ZNF385D: variants seen among roughly 807,000 people sequenced by gnomAD.
ZNF385D encodes the protein zinc finger protein 659.
Under a neutral mutation model 35.8 loss-of-function variants are expected in ZNF385D, and 15 were observed. The ratio of observed to expected loss-of-function variants is 0.42; its 90% CI spans 0.28 to 0.64. ZNF385D has a LOEUF of 0.64. Among genes scored for constraint, ZNF385D ranks in the 30% least tolerant of loss-of-function variants. The pLI, the probability that ZNF385D is intolerant of heterozygous loss-of-function variation, is 0.23. For missense variants in ZNF385D, 474 were observed against 494.6 expected (o/e 0.96, Z 0.39); for synonymous variants, 212 against 186.8 (o/e 1.13, Z -1.10).
At chr3:21,668,028 G>A (rs562740847) in intron 1 of ZNF385D, among the ~76,000 whole-genome samples, 6 of 152,180 alleles carry the variant, frequency 3.9e-5, no homozygotes, top group African/African-American at 1.4e-4. Context: ...TAAGATTGTA[G>A]GAAAGCAGAG....
intron 3 of ZNF385D, among the ~76,000 whole-genome samples, chr3:21,864,591 G>A (rs1195501753): frequency 6.6e-6 from 1 of 152,030 alleles, no homozygotes; most frequent in Non-Finnish European, 1.5e-5. Context: ...TTGACTAAAT[G>A]ACAGTGTTTT....
intron 2 of ZNF385D, chr3:21,579,607 A>G (rs2063593070): frequency 6.6e-6 from 1 of 152,180 alleles, no homozygotes; most frequent in Non-Finnish European, 1.5e-5. Flanking sequence ...TTATTTTTTA[A>G]TATTTTAATG....
At chr3:22,226,245 C>G (rs1237631973) in intron 2 of ZNF385D, among the ~76,000 whole-genome samples, 1 of 152,088 alleles carries the variant, frequency 6.6e-6, no homozygotes, top group Non-Finnish European at 1.5e-5. Context: ...TTTACCACAG[C>G]TGGACACAAG....
chr3:21,663,502 G>T (rs1167266203), intron 2 of ZNF385D, among the ~76,000 whole-genome samples: 1 of 152,030 alleles, frequency 6.6e-6, no homozygotes, highest in Non-Finnish European at 1.5e-5. Flanking sequence ...GCTGTGCCAG[G>T]AAACCACTTA....
chr3:21,793,491 A>T (rs1316614898), intron 3 of ZNF385D, among the ~76,000 whole-genome samples: 1 of 152,242 alleles, frequency 6.6e-6, no homozygotes, highest in South Asian at 2.1e-4. Flanking sequence ...TAGAATTTGC[A>T]TTTTAACAAG....
chr3:21,643,443 A>C (rs1319398411), intron 2 of ZNF385D, among the ~76,000 whole-genome samples: 2 of 152,166 alleles, frequency 1.3e-5, no homozygotes, highest in African/African-American at 4.8e-5. Flanking sequence ...AACACCAGGA[A>C]GGACTGGTGA....
intron 3 of ZNF385D, among the ~76,000 whole-genome samples, chr3:21,938,514 T>C (rs1196121978): frequency 9.2e-5 from 14 of 152,218 alleles, no homozygotes; most frequent in Non-Finnish European, 1.2e-4. Context: ...CCACATATAC[T>C]GCCCAGATGA....
chr3:21,907,982 G>A (rs114658304), intron 3 of ZNF385D, among the ~76,000 whole-genome samples: 2 of 152,196 alleles, frequency 1.3e-5, no homozygotes, highest in Non-Finnish European at 2.9e-5. Flanking sequence ...ACAGGGGTTT[G>A]TGAAAGGCTG....
intron 2 of ZNF385D, among the ~76,000 whole-genome samples, chr3:21,634,849 T>C (rs1343733709): frequency 3.3e-5 from 5 of 152,078 alleles, no homozygotes; most frequent in Non-Finnish European, 7.4e-5. Flanking sequence ...TATTTTTCTT[T>C]TAAATTTTAT....
At chr3:22,015,847 G>A (rs1696855231) in intron 3 of ZNF385D, among the ~76,000 whole-genome samples, 1 of 152,076 alleles carries the variant, frequency 6.6e-6, no homozygotes. Flanking sequence ...AAGTTCTAGA[G>A]GAGCAGCCCA....
Position 22,259,590 on chromosome 3 carries a change from C to T in ZNF385D, c.107-90555G>A, listed in dbSNP as rs150743089. Among the ~76,000 whole-genome samples, 1,293 of 151,870 alleles carry T rather than the reference C, an allele frequency of 8.5e-3. 40 individuals carry two copies. Among genetic ancestry groups the T allele is most frequent in the Admixed American group, 0.056 (852 of 15,204 alleles). ...TGTGTACCTCCCATGTTGTCACTAG[C>T]ATATCAAAAAAATGTTTAATTCAAG... On this transcript the variant is annotated intron_variant, in intron 2 of 5. Transcript: ENST00000494108.
chr3:21,763,256 T>C (rs1429055066), intron 3 of ZNF385D, among the ~76,000 whole-genome samples: 1 of 152,128 alleles, frequency 6.6e-6, no homozygotes, highest in Non-Finnish European at 1.5e-5. Context: ...TGAGTAACAG[T>C]GATGGCTCCG....
At chr3:22,202,361 G>A (rs1696855264) in intron 2 of ZNF385D, among the ~76,000 whole-genome samples, 1 of 152,038 alleles carries the variant, frequency 6.6e-6, no homozygotes, top group Non-Finnish European at 1.5e-5. Flanking sequence ...GAAGCAAATG[G>A]AAGGACTTTT....
chr3:21,767,985 G>C (rs2070905636), intron 3 of ZNF385D, among the ~76,000 whole-genome samples: 1 of 152,000 alleles, frequency 6.6e-6, no homozygotes, highest in Non-Finnish European at 1.5e-5. Context: ...GTCCTAATTT[G>C]TTGTAATTAT....
At chr3:21,498,841 G>C (rs1706130542) in intron 4 of ZNF385D, among the ~76,000 whole-genome samples, 1 of 151,224 alleles carries the variant, frequency 6.6e-6, no homozygotes, top group Admixed American at 6.6e-5. Flanking sequence ...TACTTGGGAG[G>C]CTGAGGCAGG....
chr3:22,228,970 C>T (rs893149927), intron 2 of ZNF385D, among the ~76,000 whole-genome samples: 19 of 152,230 alleles, frequency 1.2e-4, no homozygotes, highest in Admixed American at 2.6e-4. Flanking sequence ...CTGCACTGTT[C>T]TCCTTTGTAC....
chr3:22,193,898 G>C (rs1421785637), intron 2 of ZNF385D, among the ~76,000 whole-genome samples: 1 of 151,910 alleles, frequency 6.6e-6, no homozygotes, highest in Non-Finnish European at 1.5e-5. Context: ...ATACAATCAA[G>C]TCATGGGAAT....
chr3:21,625,238 C>T (rs1354976371), intron 2 of ZNF385D, among the ~76,000 whole-genome samples: 1 of 152,012 alleles, frequency 6.6e-6, no homozygotes, highest in East Asian at 1.9e-4. Context: ...CCTAAGTCTT[C>T]CCAAGGTTCA....
At chr3:22,263,459 T>G (rs772662382) in intron 2 of ZNF385D, among the ~76,000 whole-genome samples, 1 of 152,078 alleles carries the variant, frequency 6.6e-6, no homozygotes, top group Non-Finnish European at 1.5e-5. Context: ...CTATTCCACC[T>G]GAAATAGTGC....
Sources: gnomAD v4.1 joint callset for allele counts (sites outside exome capture counted in the v4.1 genomes callset) on GRCh38, gnomAD v4.1.1 for gene constraint, MANE v1.5 for transcripts, NCBI Gene and HGNC (gene_info 2026-07-23, HGNC 2026-07-21) for gene names.